CTNNA2: variants seen among roughly 807,000 people sequenced by gnomAD.
The protein encoded by CTNNA2 is catenin alpha 2, also known as catenin alpha-2.
In CTNNA2, 42 loss-of-function variants were observed where a neutral mutation model predicts 101.0. The observed-to-expected ratio is 0.42, with a 90% CI of 0.32 to 0.54. The LOEUF (loss-of-function observed/expected upper bound fraction) is 0.54. Among genes scored for constraint, CTNNA2 ranks in the 20% least tolerant of loss-of-function variants. The pLI, the probability that CTNNA2 is intolerant of heterozygous loss-of-function variation, is 0.14. For missense variants in CTNNA2, 871 were observed against 1,223.1 expected (o/e 0.71, Z 4.29); for synonymous variants, 450 against 456.4 (o/e 0.99, Z 0.18).
At chr2:79,245,476 C>A (rs950685741) in intron 2 of CTNNA2, among the ~76,000 whole-genome samples, 1 of 152,096 alleles carries the variant, frequency 6.6e-6, no homozygotes, top group Non-Finnish European at 1.5e-5. Context: ...AATAAGATAC[C>A]AGCATATACT....
rs17018649 is a variant in CTNNA2 at position 80,130,728 on chromosome 2, A to T, written c.1056+220931A>T. 4.2e-3 allele frequency among the ~76,000 whole-genome samples: 635 copies of T among 152,122 alleles called. 2 individuals carry two copies. The highest frequency in any genetic ancestry group is 0.021 in the East Asian group (107 of 5,174). ...AGTAAACAGCAAATCTGCTTTGAAG[A>T]CTGTGTTTGTTATTTCTTGTACTCT... On this transcript the variant is annotated intron_variant, in intron 7 of 18. Transcript: ENST00000402739.
chr2:79,425,675 T>C (rs1297652751), intron 4 of CTNNA2, among the ~76,000 whole-genome samples: 1 of 152,142 alleles, frequency 6.6e-6, no homozygotes, highest in Non-Finnish European at 1.5e-5. Flanking sequence ...TCACAACACC[T>C]GAGTTTTGGA....
chr2:79,772,755 G>A (rs1673686098), intron 3 of CTNNA2, among the ~76,000 whole-genome samples: 1 of 152,084 alleles, frequency 6.6e-6, no homozygotes, highest in African/African-American at 2.4e-5. Flanking sequence ...TGTAGAGACA[G>A]GGTCTCACTA....
intron 7 of CTNNA2, among the ~76,000 whole-genome samples, chr2:80,247,534 C>T (rs1398395330): frequency 6.6e-6 from 1 of 152,186 alleles, no homozygotes; most frequent in African/African-American, 2.4e-5. Context: ...AGACCGGTAG[C>T]TTATCTCCAA....
intron 9 of CTNNA2, among the ~76,000 whole-genome samples, chr2:80,496,515 C>T (rs1210919758): frequency 6.6e-6 from 1 of 151,062 alleles, no homozygotes; most frequent in African/African-American, 2.4e-5. Context: ...AGCTCTGCCA[C>T]TAGCTAGCTA....
At chr2:79,203,714 C>T (rs1350000452) in intron 2 of CTNNA2, among the ~76,000 whole-genome samples, 4 of 152,144 alleles carry the variant, frequency 2.6e-5, no homozygotes, top group Non-Finnish European at 5.9e-5. Context: ...TCTTCAGGGC[C>T]GCCTTTTCTT....
chr2:79,515,756 G>A (rs1671772969), intron 1 of CTNNA2, among the ~76,000 whole-genome samples: 1 of 152,208 alleles, frequency 6.6e-6, no homozygotes, highest in Non-Finnish European at 1.5e-5. Context: ...TGCAGATAAA[G>A]ACTGACTTCC....
At chr2:80,000,816 A>G (rs1558716475) in intron 7 of CTNNA2, among the ~76,000 whole-genome samples, 1 of 152,166 alleles carries the variant, frequency 6.6e-6, no homozygotes, top group Admixed American at 6.6e-5. Flanking sequence ...CAAATTGTTG[A>G]AAGAGAACTT....
chr2:80,217,803 G>A (rs544631690), intron 7 of CTNNA2, among the ~76,000 whole-genome samples: 4 of 152,308 alleles, frequency 2.6e-5, no homozygotes, highest in African/African-American at 9.6e-5. Context: ...TGGGGAGAGG[G>A]GTTCAGGGCT....
intron 7 of CTNNA2, among the ~76,000 whole-genome samples, chr2:79,912,251 G>T (rs2104335899): frequency 6.6e-6 from 1 of 152,312 alleles, no homozygotes; most frequent in East Asian, 1.9e-4. Flanking sequence ...CTTGCTTGTG[G>T]CTGAAGCTGT....
intron 7 of CTNNA2, among the ~76,000 whole-genome samples, chr2:80,131,306 G>T (rs768581595): frequency 1.3e-5 from 2 of 152,088 alleles, no homozygotes; most frequent in Non-Finnish European, 2.9e-5. Flanking sequence ...TGATCTGCCC[G>T]CCTTGGCCTC....
chr2:80,187,727 G>A (rs1293670489), intron 7 of CTNNA2, among the ~76,000 whole-genome samples: 1 of 152,024 alleles, frequency 6.6e-6, no homozygotes, highest in African/African-American at 2.4e-5. Flanking sequence ...AGATGGTTGG[G>A]AATGATAGTG....
intron 2 of CTNNA2, among the ~76,000 whole-genome samples, chr2:79,248,583 C>G (rs990470621): frequency 1.3e-5 from 2 of 152,098 alleles, no homozygotes; most frequent in Non-Finnish European, 2.9e-5. Flanking sequence ...TGGTAGTGGT[C>G]CTGCCCCGTA....
At chr2:80,490,100 T>C (rs1216648388) in intron 9 of CTNNA2, among the ~76,000 whole-genome samples, 1 of 152,186 alleles carries the variant, frequency 6.6e-6, no homozygotes, top group Non-Finnish European at 1.5e-5. Context: ...AACCAGCTGC[T>C]CTCAGACTCT....
At chr2:80,281,044 T>C (rs1674340974) in intron 7 of CTNNA2, among the ~76,000 whole-genome samples, 1 of 152,164 alleles carries the variant, frequency 6.6e-6, no homozygotes, top group South Asian at 2.1e-4. Context: ...CCATCATTTC[T>C]CTCTGCCTTC....
At chr2:80,072,459 A>C (rs1698406360) in intron 7 of CTNNA2, among the ~76,000 whole-genome samples, 1 of 152,062 alleles carries the variant, frequency 6.6e-6, no homozygotes, top group Admixed American at 6.6e-5. Flanking sequence ...GCTCCGTATC[A>C]CTTTTATTTT....
At chr2:79,280,657 A>AG (rs1334847406) in intron 2 of CTNNA2, among the ~76,000 whole-genome samples, 45 of 50,122 alleles carry the variant, frequency 9.0e-4, no homozygotes, top group Admixed American at 9.9e-4. Flanking sequence ...GTGTGTGTGT[A>AG]AGAGAAAGAG....
intron 2 of CTNNA2, among the ~76,000 whole-genome samples, chr2:79,743,555 C>T (rs1419761871): frequency 6.9e-5 from 10 of 145,354 alleles, no homozygotes; most frequent in South Asian, 2.1e-4. Flanking sequence ...TTTTTTGAGA[C>T]GAAGTCTTGC....
chr2:79,999,397 G>T (rs1416506993), intron 7 of CTNNA2, among the ~76,000 whole-genome samples: 1 of 152,164 alleles, frequency 6.6e-6, no homozygotes, highest in African/African-American at 2.4e-5. Flanking sequence ...TCAAAGTTGA[G>T]TATCCCCCAC....
Sources: allele counts gnomAD v4.1 joint callset (sites outside exome capture counted in the v4.1 genomes callset), GRCh38; gene constraint gnomAD v4.1.1; transcripts MANE v1.5; gene names NCBI Gene and HGNC (gene_info 2026-07-23, HGNC 2026-07-21).